ABLIM1: variants seen among roughly 807,000 people sequenced by gnomAD.
ABLIM1 encodes actin-binding LIM protein 1.
A neutral mutation model predicts 107.0 loss-of-function variants in ABLIM1; 40 were observed. The ratio of observed to expected loss-of-function variants is 0.37; its 90% CI spans 0.29 to 0.49. The LOEUF is 0.49. Ranked by LOEUF, ABLIM1 falls within the 20% of genes least tolerant of loss-of-function variation. The pLI, the probability that ABLIM1 is intolerant of heterozygous loss-of-function variation, is 0.97. For synonymous variants in ABLIM1, 357 were observed against 357.3 expected, an observed-to-expected ratio of 1.00 and a Z score of 0.01; for missense variants, 857 against 1,008.5, an observed-to-expected ratio of 0.85 and a Z score of 2.04.
At chr10:114,736,477 G>A (rs2082182802) in intron 1 of ABLIM1, among the ~76,000 whole-genome samples, 1 of 152,124 alleles carries the variant, frequency 6.6e-6, no homozygotes, top group Non-Finnish European at 1.5e-5. Flanking sequence ...TAAAAGCAAT[G>A]ATTATACATA....
chr10:114,752,160 G>A (rs976338505), intron 1 of ABLIM1, among the ~76,000 whole-genome samples: 1 of 152,178 alleles, frequency 6.6e-6, no homozygotes, highest in African/African-American at 2.4e-5. Flanking sequence ...TTCAGGTCTT[G>A]TAAGTGGAAG....
intron 1 of ABLIM1, among the ~76,000 whole-genome samples, chr10:114,643,781 G>T (rs188398945): frequency 7.9e-5 from 12 of 151,830 alleles, no homozygotes; most frequent in African/African-American, 2.7e-4. Context: ...TCACTACATT[G>T]CCCAGGCTAG....
chr10:114,625,711 C>A lies in ABLIM1; in HGVS notation c.245-23750G>T, dbSNP rs2497673. ...ACTGAGGTTAGAGCAGAAAATACCACCCCTGTGGTCATTCAAAAGGTAAAA... is the reference window on the plus strand; with the variant it reads ...ACTGAGGTTAGAGCAGAAAATACCAACCCTGTGGTCATTCAAAAGGTAAAA... On this transcript the variant is annotated intron_variant, in intron 1 of 22. Coordinates refer to ENST00000533213, the MANE Select transcript of ABLIM1 (RefSeq NM_002313.7). Among the ~76,000 whole-genome samples, 451 of 152,204 alleles carry A rather than the reference C, an allele frequency of 3.0e-3. 3 individuals carry two copies. The highest frequency in any genetic ancestry group is 0.01 in the African/African-American group (436 of 41,526).
intron 1 of ABLIM1, among the ~76,000 whole-genome samples, chr10:114,740,913 G>C (rs2082274009): frequency 6.6e-6 from 1 of 151,356 alleles, no homozygotes; most frequent in African/African-American, 2.4e-5. Flanking sequence ...GTATAGTGGT[G>C]TGCACCACTC....
At chr10:114,627,041 C>G (rs1242188445) in intron 1 of ABLIM1, among the ~76,000 whole-genome samples, 1 of 152,168 alleles carries the variant, frequency 6.6e-6, no homozygotes, top group African/African-American at 2.4e-5. Flanking sequence ...GCTTCCAGAA[C>G]AGTGAGACAA....
intron 3 of ABLIM1, among the ~76,000 whole-genome samples, chr10:114,571,839 T>C (rs2071726914): frequency 6.6e-6 from 1 of 152,160 alleles, no homozygotes; most frequent in Non-Finnish European, 1.5e-5. Flanking sequence ...GGTCTTTCAG[T>C]TCCCTGGGAC....
chr10:114,543,496 C>G (rs1330858544), intron 6 of ABLIM1, among the ~76,000 whole-genome samples: 1 of 152,154 alleles, frequency 6.6e-6, no homozygotes, highest in Non-Finnish European at 1.5e-5. Flanking sequence ...GATAATATTC[C>G]ACTAGTTGGA....
At chr10:114,787,374 C>T in the ABLIM1 span, among the ~76,000 whole-genome samples, 2 of 151,602 alleles carry the variant, frequency 1.3e-5, no homozygotes, top group African/African-American at 2.4e-5. Context: ...AGCGTCTCCA[C>T]CCGGCAGCCA....
intron 2 of ABLIM1, among the ~76,000 whole-genome samples, chr10:114,582,963 A>C (rs970063929): frequency 1.3e-5 from 2 of 152,200 alleles, no homozygotes; most frequent in African/African-American, 4.8e-5. Context: ...CAAAGAATTT[A>C]TGACTAACTC....
At chr10:114,607,697 C>T (rs2076520891) in intron 1 of ABLIM1, among the ~76,000 whole-genome samples, 1 of 152,026 alleles carries the variant, frequency 6.6e-6, no homozygotes, top group Non-Finnish European at 1.5e-5. Context: ...GAGAAAAATC[C>T]CAAATGGAGG....
chr10:114,788,465 C>G, the ABLIM1 span, among the ~76,000 whole-genome samples: 1 of 151,046 alleles, frequency 6.6e-6, no homozygotes, highest in Non-Finnish European at 1.5e-5. Context: ...AGGAGGCTCA[C>G]GCCTGTAATC....
intron 1 of ABLIM1, among the ~76,000 whole-genome samples, chr10:114,635,465 C>T (rs2078431138): frequency 6.6e-6 from 1 of 152,226 alleles, no homozygotes; most frequent in Admixed American, 6.5e-5. Flanking sequence ...TTTCAGGATC[C>T]CTCCGTGGGA....
chr10:114,769,153 G>GT (rs2082973293), upstream of ABLIM1, among the ~76,000 whole-genome samples: 2 of 125,992 alleles, frequency 1.6e-5, no homozygotes, highest in Admixed American at 9.4e-5. Context: ...GGCCAACATG[G>GT]TGAAACACTG....
At chr10:114,727,316 C>A (rs2081980795) in intron 1 of ABLIM1, among the ~76,000 whole-genome samples, 1 of 152,134 alleles carries the variant, frequency 6.6e-6, no homozygotes, top group South Asian at 2.1e-4. Flanking sequence ...CTGTTTGTGT[C>A]TTGATACAAT....
chr10:114,645,949 T>A (rs2078994375), intron 1 of ABLIM1, among the ~76,000 whole-genome samples: 1 of 152,244 alleles, frequency 6.6e-6, no homozygotes, highest in Non-Finnish European at 1.5e-5. Context: ...TTTTTACCAT[T>A]TTAAACAGCT....
At chr10:114,679,698 T>C (rs1357332322) in intron 1 of ABLIM1, among the ~76,000 whole-genome samples, 1 of 150,766 alleles carries the variant, frequency 6.6e-6, no homozygotes, top group Admixed American at 6.6e-5. Flanking sequence ...TATTCAACCA[T>C]GAAACATAAA....
chr10:114,573,396 G>A (rs184641822), intron 3 of ABLIM1, among the ~76,000 whole-genome samples: 186 of 152,298 alleles, frequency 1.2e-3, no homozygotes, highest in African/African-American at 4.4e-3. Context: ...CAGAATTATC[G>A]TCATTCGGCA....
chr10:114,443,084 C>T (rs1257381278), intron 17 of ABLIM1, among the ~76,000 whole-genome samples: 2 of 152,030 alleles, frequency 1.3e-5, no homozygotes, highest in Admixed American at 6.5e-5. Flanking sequence ...GTGATCTGCC[C>T]GCCTTGGTCT....
At chr10:114,557,103 G>C (rs1250558823) in intron 4 of ABLIM1, among the ~76,000 whole-genome samples, 1 of 152,210 alleles carries the variant, frequency 6.6e-6, no homozygotes, top group African/African-American at 2.4e-5. Context: ...CTGGGGAAAA[G>C]GGGGTCTCAA....
Sources: gnomAD v4.1 joint callset for allele counts (sites outside exome capture counted in the v4.1 genomes callset) on GRCh38, gnomAD v4.1.1 for gene constraint, MANE v1.5 for transcripts, NCBI Gene and HGNC (gene_info 2026-07-23, HGNC 2026-07-21) for gene names.